The following IL1RAPL1 variants were observed in gnomAD, a reference collection of about 807,000 sequenced individuals.
The protein encoded by IL1RAPL1 is interleukin 1 receptor accessory protein like 1, also known as interleukin-1 receptor accessory protein-like 1.
A neutral mutation model predicts 48.4 loss-of-function variants in IL1RAPL1; 3 were observed. That is an observed-to-expected ratio of 0.06 (90% CI 0.03 to 0.16). The LOEUF (loss-of-function observed/expected upper bound fraction) is 0.16, where lower values mean the gene tolerates loss of function less well. Among genes scored for constraint, IL1RAPL1 ranks in the 10% least tolerant of loss-of-function variants. The probability of loss-of-function intolerance (pLI) is 1.00; values close to 1 mark genes in which losing one functional copy is unlikely to be tolerated. For missense variants in IL1RAPL1, 349 were observed against 530.6 expected, an observed-to-expected ratio of 0.66 and a Z score of 3.36; for synonymous variants, 185 against 187.7, an observed-to-expected ratio of 0.99 and a Z score of 0.12.
intron 2 of IL1RAPL1, among the ~76,000 whole-genome samples, chrX:29,150,233 T>C (rs1446404564): frequency 8.9e-6 from 1 of 111,900 alleles, no homozygotes; most frequent in African/African-American, 3.2e-5. Flanking sequence ...TGATCATAGT[T>C]TAAGGAATTT....
chrX:29,214,244 C>T (rs751649963), intron 2 of IL1RAPL1, among the ~76,000 whole-genome samples: 115 of 111,108 alleles, frequency 1.0e-3, no homozygotes, highest in Admixed American at 3.9e-3. Context: ...GGTATTTGAC[C>T]ATGGCTTGTT....
chrX:29,469,469 G>T (rs1009379484), intron 5 of IL1RAPL1, among the ~76,000 whole-genome samples: 4 of 111,422 alleles, frequency 3.6e-5, no homozygotes, highest in African/African-American at 1.3e-4. Flanking sequence ...TGTTATAAAA[G>T]AAAAAAATAT....
rs185584215 is a variant in IL1RAPL1 at position 28,935,233 on chromosome X, G to A, written c.82+145808G>A. Among the ~76,000 whole-genome samples the A allele has an allele frequency of 3.2e-3, 349 of 110,582 alleles. 3 individuals are homozygous for A. The highest frequency in any genetic ancestry group is 0.011 in the African/African-American group (326 of 30,470). ...AAATTTGATCCTATGTTTTCTTGCA[G>A]GTTTTGCTATAGTTATAGCCCTTAC... is the stretch of plus-strand genomic sequence containing the variant. On this transcript the variant is annotated intron_variant, in intron 2 of 10. Transcript: ENST00000378993.
intron 3 of IL1RAPL1, among the ~76,000 whole-genome samples, chrX:29,366,912 A>G (rs1297461501): frequency 1.8e-5 from 2 of 111,038 alleles, no homozygotes; most frequent in Non-Finnish European, 3.8e-5. Flanking sequence ...GAAAATCAGG[A>G]AGATAACATT....
chrX:29,162,768 T>A (rs762400087), intron 2 of IL1RAPL1, among the ~76,000 whole-genome samples: 1 of 110,686 alleles, frequency 9.0e-6, no homozygotes, highest in East Asian at 2.9e-4. Context: ...GAGGCAGCAA[T>A]ATGGTAATAG....
chrX:29,055,870 G>A (rs1927202644), intron 2 of IL1RAPL1, among the ~76,000 whole-genome samples: 1 of 111,702 alleles, frequency 9.0e-6, no homozygotes, highest in South Asian at 3.7e-4. Context: ...TTAGATGCAT[G>A]TATATGACTT....
intron 2 of IL1RAPL1, among the ~76,000 whole-genome samples, chrX:29,001,866 A>C (rs1368546022): frequency 1.8e-5 from 2 of 109,946 alleles, no homozygotes; most frequent in African/African-American, 6.6e-5. Context: ...AGAATGGATA[A>C]GAAATTGTGG....
intron 1 of IL1RAPL1, among the ~76,000 whole-genome samples, chrX:28,738,740 G>T (rs1201826670): frequency 9.0e-6 from 1 of 111,380 alleles, no homozygotes; most frequent in Admixed American, 9.6e-5. Flanking sequence ...ATGTTGTTAG[G>T]AGTGCTTTTT....
chrX:28,802,611 A>G (rs934951524), intron 2 of IL1RAPL1, among the ~76,000 whole-genome samples: 1 of 112,359 alleles, frequency 8.9e-6, no homozygotes, highest in Admixed American at 9.5e-5. Context: ...TGCATATTCC[A>G]CTTATTTTGT....
chrX:28,613,691 C>T (rs1046284858), intron 1 of IL1RAPL1, among the ~76,000 whole-genome samples: 5 of 112,092 alleles, frequency 4.5e-5, no homozygotes, highest in African/African-American at 1.6e-4. Context: ...TGCCCAGTTC[C>T]TCTGAGGTCT....
intron 5 of IL1RAPL1, among the ~76,000 whole-genome samples, chrX:29,400,900 G>A (rs1411572938): frequency 2.7e-5 from 3 of 111,635 alleles, no homozygotes; most frequent in Non-Finnish European, 5.6e-5. Context: ...TGCACTTCTA[G>A]TCTTTATTCT....
chrX:28,893,201 C>T (rs753399708), intron 2 of IL1RAPL1, among the ~76,000 whole-genome samples: 11 of 111,674 alleles, frequency 9.9e-5, no homozygotes, highest in African/African-American at 3.6e-4. Context: ...AGCGTCTATA[C>T]AGGAGCTTAA....
At chrX:28,968,293 G>A (rs1414605475) in intron 2 of IL1RAPL1, among the ~76,000 whole-genome samples, 1 of 111,371 alleles carries the variant, frequency 9.0e-6, no homozygotes, top group African/African-American at 3.3e-5. Flanking sequence ...AGCTAATGAA[G>A]TGTAGGTTAT....
chrX:28,715,482 A>G (rs1935493525), intron 1 of IL1RAPL1, among the ~76,000 whole-genome samples: 1 of 111,855 alleles, frequency 8.9e-6, no homozygotes, highest in African/African-American at 3.3e-5. Context: ...TCACAACTAA[A>G]AGAACTAGAG....
intron 2 of IL1RAPL1, among the ~76,000 whole-genome samples, chrX:29,201,676 T>G (rs1406352596): frequency 9.2e-6 from 1 of 109,252 alleles, no homozygotes; most frequent in Admixed American, 9.6e-5. Flanking sequence ...ATTTTGACTT[T>G]AGTATAATCA....
intron 2 of IL1RAPL1, among the ~76,000 whole-genome samples, chrX:28,806,125 G>A (rs930083270): frequency 2.7e-5 from 3 of 111,687 alleles, no homozygotes; most frequent in Non-Finnish European, 3.8e-5. Context: ...TGTTATATAA[G>A]CAAATGAATA....
chrX:29,079,175 T>C (rs1314859836), intron 2 of IL1RAPL1, among the ~76,000 whole-genome samples: 1 of 111,407 alleles, frequency 9.0e-6, no homozygotes, highest in Non-Finnish European at 1.9e-5. Flanking sequence ...TTTGAGGGCC[T>C]ATTATGGGGG....
chrX:29,091,092 T>C (rs766292031), intron 2 of IL1RAPL1, among the ~76,000 whole-genome samples: 17 of 112,302 alleles, frequency 1.5e-4, no homozygotes, highest in African/African-American at 3.9e-4. Flanking sequence ...GTTTGGAACA[T>C]GTGAATATAA....
chrX:29,456,468 GT>G (rs1267051541), intron 5 of IL1RAPL1, among the ~76,000 whole-genome samples: 21 of 111,823 alleles, frequency 1.9e-4, no homozygotes, highest in African/African-American at 6.5e-4. Flanking sequence ...TTACTTGGAA[GT>G]GTTCCAGTAG....
Sources: allele counts gnomAD v4.1 joint callset (sites outside exome capture counted in the v4.1 genomes callset), GRCh38; gene constraint gnomAD v4.1.1; transcripts MANE v1.5; gene names NCBI Gene and HGNC (gene_info 2026-07-23, HGNC 2026-07-21).